Variants in TMPRSS12 observed in about 807,000 individuals in gnomAD.
TMPRSS12 encodes transmembrane serine protease 12.
Under a neutral mutation model 26.0 loss-of-function variants are expected in TMPRSS12, and 25 were observed. The observed-to-expected ratio is 0.96, with a 90% CI of 0.70 to 1.34. The LOEUF is 1.34. Ranked by LOEUF, TMPRSS12 falls within the 40% of genes most tolerant of loss-of-function variation. The probability of loss-of-function intolerance (pLI) is 0.00; values close to 1 mark genes in which losing one functional copy is unlikely to be tolerated. For missense variants in TMPRSS12, 441 were observed against 440.1 expected, an observed-to-expected ratio of 1.00 and a Z score of -0.02; for synonymous variants, 150 against 161.7, an observed-to-expected ratio of 0.93 and a Z score of 0.55.
chr12:50,851,801 G>A (rs956598210), intron 2 of TMPRSS12, among the ~76,000 whole-genome samples: 2 of 152,140 alleles, frequency 1.3e-5, no homozygotes, highest in Non-Finnish European at 2.9e-5. Context: ...AGAGAGAAAG[G>A]GCAGGTTGCT....
chr12:50,866,449 C>A (rs868643326), intron 3 of TMPRSS12, among the ~76,000 whole-genome samples: 2 of 152,094 alleles, frequency 1.3e-5, no homozygotes, highest in East Asian at 3.8e-4. Context: ...GCACCTCACC[C>A]CCATCCCTCA....
intron 3 of TMPRSS12, among the ~76,000 whole-genome samples, chr12:50,875,336 C>T (rs970349139): frequency 1.3e-5 from 2 of 151,490 alleles, no homozygotes; most frequent in African/African-American, 4.9e-5. Flanking sequence ...ACTAAAAATA[C>T]AAAAATTAGC....
intron 1 of TMPRSS12, 111 bp from the exon 2 acceptor site, chr12:50,843,731 G>A: frequency 8.8e-7 from 1 of 1,138,962 alleles, no homozygotes; most frequent in Non-Finnish European, 1.2e-6. Context: ...ATGTTAGCTT[G>A]CTTTGTGTTT....
At chr12:50,878,416 T>C (rs1273349293) in intron 3 of TMPRSS12, among the ~76,000 whole-genome samples, 2 of 136,380 alleles carry the variant, frequency 1.5e-5, no homozygotes, top group African/African-American at 5.4e-5. Flanking sequence ...CCCCTATCTC[T>C]GCAAAAATAA....
intron 2 of TMPRSS12, among the ~76,000 whole-genome samples, chr12:50,855,434 G>A (rs1222620666): frequency 6.6e-6 from 1 of 151,988 alleles, no homozygotes; most frequent in South Asian, 2.1e-4. Context: ...ACATACATAT[G>A]GCCAAGAAAC....
chr12:50,875,025 T>C (rs926389797), intron 3 of TMPRSS12, among the ~76,000 whole-genome samples: 3 of 152,142 alleles, frequency 2.0e-5, no homozygotes, highest in Non-Finnish European at 4.4e-5. Flanking sequence ...AATCAGTCTA[T>C]AGATTCAATG....
intron 3 of TMPRSS12, among the ~76,000 whole-genome samples, chr12:50,875,160 G>A (rs778256004): frequency 6.6e-6 from 1 of 152,096 alleles, no homozygotes; most frequent in African/African-American, 2.4e-5. Context: ...AACAAAGCTG[G>A]AAGCATCACA....
chr12:50,874,833 A>C (rs949098142), intron 3 of TMPRSS12, among the ~76,000 whole-genome samples: 6 of 124,478 alleles, frequency 4.8e-5, no homozygotes, highest in African/African-American at 1.8e-4. Flanking sequence ...ACACCAAAAA[A>C]ACAAAAAACA....
At chr12:50,852,841 A>T (rs930893823) in intron 2 of TMPRSS12, among the ~76,000 whole-genome samples, 2 of 152,236 alleles carry the variant, frequency 1.3e-5, no homozygotes, top group African/African-American at 4.8e-5. Flanking sequence ...AAGTTATTGG[A>T]GACCTATGAA....
At chr12:50,883,545 G>A (rs7133042) in intron 3 of TMPRSS12, among the ~76,000 whole-genome samples, 36,635 of 151,914 alleles carry the variant, frequency 0.24, 4,546 homozygotes, top group East Asian at 0.42. Flanking sequence ...TTAGCTGGGT[G>A]TGGTGGTACA....
At position 50,844,006 on chromosome 12, in the gene TMPRSS12, C is replaced by T. The variant is rs1412807971; in HGVS notation, c.352C>T (p.Leu118Phe). The T allele has an allele frequency of 6.3e-7, 1 of 1,599,312 alleles. No homozygotes were observed. Among genetic ancestry groups the T allele is most frequent in the Non-Finnish European group, 8.5e-7 (1 of 1,173,522 alleles). The change falls in exon 2 of 5, where the codon CTC becomes TTC. Residue 118 changes from leucine (L) to phenylalanine (F), a missense_variant. Physicochemically the swap from Leu to Phe is conservative, Grantham distance 22. Transcript: ENST00000398458. ...GGTLVRERWV[L>F]TAAHCTKDAS... ...AACCCTAGTGAGAGAGAGGTGGGTC[C>T]TCACAGCTGCCCACTGCACTAAAGA...
chr12:50,885,317 A>T lies in TMPRSS12; in HGVS notation c.724A>T (p.Ser242Cys). Residue 242 changes from serine (S) to cysteine (C), a missense_variant, in exon 4 of 5, where the codon AGT becomes TGT. Transcript: ENST00000398458. Reference protein sequence around the residue: ...ISREMCNSERSYGGIIPNTSF... With the variant: ...ISREMCNSERCYGGIIPNTSF... Reference sequence around the variant, plus strand: ...TCGAGAGATGTGTAATTCTGAGAGGAGTTATGGGGGAATAATTCCTAACAC... The same window carrying T: ...TCGAGAGATGTGTAATTCTGAGAGGTGTTATGGGGGAATAATTCCTAACAC... 4 of 1,613,602 alleles carry T rather than the reference A, an allele frequency of 2.5e-6. No homozygotes were observed. Among genetic ancestry groups the T allele is most frequent in the Non-Finnish European group, 3.4e-6 (4 of 1,179,746 alleles).
At chr12:50,872,113 G>A (rs976502697) in intron 3 of TMPRSS12, among the ~76,000 whole-genome samples, 5 of 152,056 alleles carry the variant, frequency 3.3e-5, no homozygotes, top group Non-Finnish European at 5.9e-5. Flanking sequence ...AAGAAAAGAA[G>A]TCATTATTCA....
intron 3 of TMPRSS12, among the ~76,000 whole-genome samples, chr12:50,862,856 G>A (rs1937950998): frequency 1.3e-5 from 2 of 151,632 alleles, no homozygotes; most frequent in South Asian, 2.1e-4. Context: ...TACTTCAAAT[G>A]TGATCTAGGT....
rs1592227273 is a variant in TMPRSS12, at chr12:50,887,787, T to A, written c.*274T>A. 1.3e-5 allele frequency: 3 copies of A among 223,094 alleles called. No individual in the cohort carries two copies. The South Asian group carries it at 5.4e-4, about 40-fold the overall frequency. The allele number at this position is 223,094 out of a possible 1,614,324, so 13.8% of individuals were successfully genotyped here. On this transcript the variant is annotated 3_prime_UTR_variant, in exon 5 of 5. Transcript: ENST00000398458. ...CAAAATATTCAGTTAAACATATATT[T>A]TATGTGTATAAATGCCAAATAATAG...
chr12:50,849,084 C>A (rs1324453121), intron 2 of TMPRSS12, among the ~76,000 whole-genome samples: 1 of 152,170 alleles, frequency 6.6e-6, no homozygotes, highest in Non-Finnish European at 1.5e-5. Flanking sequence ...TGGTCTCTAA[C>A]TCCTAAGCTC....
chr12:50,872,519 CAAAAAAAAAAAAAA>C (rs778372099), intron 3 of TMPRSS12, among the ~76,000 whole-genome samples: 2 of 39,814 alleles, frequency 5.0e-5, no homozygotes, highest in African/African-American at 9.3e-5. Flanking sequence ...GACTCCGTCT[CAAAAAAAAAAAAAA>C]AAAAAAAAAG....
intron 2 of TMPRSS12, among the ~76,000 whole-genome samples, chr12:50,854,201 T>C (rs1436126304): frequency 6.6e-6 from 1 of 151,868 alleles, no homozygotes; most frequent in African/African-American, 2.4e-5. Flanking sequence ...CTAAACAAAC[T>C]AAAAACAAAA....
intron 3 of TMPRSS12, among the ~76,000 whole-genome samples, chr12:50,880,689 GA>G (rs1938154832): frequency 6.6e-6 from 1 of 151,988 alleles, no homozygotes; most frequent in Non-Finnish European, 1.5e-5. Context: ...AAAAACTTAT[GA>G]ACGCTCATCA....
Sources: allele counts gnomAD v4.1 joint callset (sites outside exome capture counted in the v4.1 genomes callset), GRCh38; gene constraint gnomAD v4.1.1; transcripts MANE v1.5; gene names NCBI Gene and HGNC (gene_info 2026-07-23, HGNC 2026-07-21).